ANTXR1: variants seen among roughly 807,000 people sequenced by gnomAD.
ANTXR1 encodes anthrax toxin receptor 1.
In ANTXR1, 19 loss-of-function variants were observed where a neutral mutation model predicts 78.1. That is an observed-to-expected ratio of 0.24 (90% confidence interval 0.17 to 0.36). The LOEUF is 0.36. Ranked by LOEUF, ANTXR1 falls within the 10% of genes least tolerant of loss-of-function variation. The pLI is 1.00. For missense variants in ANTXR1, 518 were observed against 718.6 expected (o/e 0.72, Z 3.19); for synonymous variants, 273 against 260.5 (o/e 1.05, Z -0.46).
At chr2:69,090,699 G>T in intron 8 of ANTXR1, 160 bp from the exon 9 acceptor site, 1 of 681,330 alleles carries the variant, frequency 1.5e-6, no homozygotes, top group Non-Finnish European at 2.7e-6. Context: ...TAAATGTTTG[G>T]TATTGGTACT....
At chr2:69,216,986 A>C (rs1202922611) in intron 17 of ANTXR1, among the ~76,000 whole-genome samples, 1 of 152,094 alleles carries the variant, frequency 6.6e-6, no homozygotes, top group Non-Finnish European at 1.5e-5. Flanking sequence ...CTTTCCCCTA[A>C]ATGTGCTTTG....
At chr2:69,077,968 G>C (rs1670790956) in intron 8 of ANTXR1, among the ~76,000 whole-genome samples, 1 of 152,192 alleles carries the variant, frequency 6.6e-6, no homozygotes, top group African/African-American at 2.4e-5. Flanking sequence ...GTGCAGCCTG[G>C]ACCTCAAGAG....
At chr2:69,103,366 C>G (rs924669162) in intron 10 of ANTXR1, 1 of 277,000 alleles carries the variant, frequency 3.6e-6, no homozygotes, top group Non-Finnish European at 7.1e-6. Context: ...TATTGGGACT[C>G]TTAAGGGTAA....
intron 1 of ANTXR1, among the ~76,000 whole-genome samples, chr2:69,014,691 C>A (rs1670969693): frequency 6.6e-6 from 1 of 152,046 alleles, no homozygotes; most frequent in Admixed American, 6.5e-5. Flanking sequence ...CCAGGAGAGG[C>A]GCTTTGCTGT....
At chr2:69,229,943 AACAAT>A (rs571139372) in intron 17 of ANTXR1, among the ~76,000 whole-genome samples, 136 of 152,234 alleles carry the variant, frequency 8.9e-4, no homozygotes, top group Middle Eastern at 3.4e-3. Flanking sequence ...AAAGTTAAGA[AACAAT>A]ATTTAGGATG....
At chr2:69,193,235 G>T (rs1674583051) in intron 16 of ANTXR1, 100 bp from the exon 17 acceptor site, 1 of 933,316 alleles carries the variant, frequency 1.1e-6, no homozygotes, top group Admixed American at 1.7e-5. Flanking sequence ...GTGTTGTGTT[G>T]TTCACATGAC....
chr2:69,120,311 A>G (rs1050488594), intron 10 of ANTXR1, among the ~76,000 whole-genome samples: 4 of 152,232 alleles, frequency 2.6e-5, no homozygotes, highest in Non-Finnish European at 4.4e-5. Context: ...GTTTAAGTCG[A>G]ACCATTGTTA....
chr2:69,245,191 C>T (rs371494291), intron 17 of ANTXR1, 34 bp from the exon 18 acceptor site: 49 of 1,613,598 alleles, frequency 3.0e-5, no homozygotes, highest in African/African-American at 1.3e-4. Flanking sequence ...TGAGGCCGTC[C>T]GCTCACGTTT....
chr2:69,240,628 T>A (rs1346299567), intron 17 of ANTXR1, among the ~76,000 whole-genome samples: 1 of 152,216 alleles, frequency 6.6e-6, no homozygotes, highest in African/African-American at 2.4e-5. Flanking sequence ...TGTGGTCAAG[T>A]GCTACACTGT....
chr2:69,122,175 C>T (rs192812680), intron 10 of ANTXR1, among the ~76,000 whole-genome samples: 1 of 152,298 alleles, frequency 6.6e-6, no homozygotes, highest in East Asian at 1.9e-4. Context: ...TTGGAACATG[C>T]CTTTAGTATG....
At chr2:69,085,643 G>A (rs186287960) in intron 8 of ANTXR1, among the ~76,000 whole-genome samples, 204 of 151,986 alleles carry the variant, frequency 1.3e-3, no homozygotes, top group African/African-American at 4.7e-3. Flanking sequence ...AATATAATAA[G>A]TAAAAACAAA....
intron 8 of ANTXR1, among the ~76,000 whole-genome samples, chr2:69,081,114 A>C (rs536589026): frequency 6.7e-4 from 102 of 152,320 alleles, no homozygotes; most frequent in African/African-American, 2.2e-3. Context: ...CCAGGCACTT[A>C]ACCACCACTC....
chr2:69,248,246 T>C lies in ANTXR1; in HGVS notation c.*2761T>C, dbSNP rs777234451. 1 of 167,064 alleles carries C rather than the reference T, an allele frequency of 6.0e-6. No individual in the cohort carries two copies. The highest frequency in any genetic ancestry group is 1.5e-5 in the Non-Finnish European group (1 of 68,116). The allele number at this position is 167,064 out of a possible 1,614,324, so 10.3% of individuals were successfully genotyped here. On this transcript the variant is annotated 3_prime_UTR_variant, in exon 18 of 18. Coordinates refer to ENST00000303714, the MANE Select transcript of ANTXR1 (RefSeq NM_032208.3). Reference sequence around the variant, plus strand: ...TTATTAAAGCCAAATTTGTGTTGTATATATTCGTATTCCATGTGTTAGATG... The same window carrying C: ...TTATTAAAGCCAAATTTGTGTTGTACATATTCGTATTCCATGTGTTAGATG...
chr2:69,116,991 G>T (rs1672165054), intron 10 of ANTXR1, among the ~76,000 whole-genome samples: 2 of 152,190 alleles, frequency 1.3e-5, no homozygotes, highest in Non-Finnish European at 2.9e-5. Flanking sequence ...GGATTACATT[G>T]TCCCAAGGTC....
In ANTXR1 at chr2:69,035,244, G is replaced by A. The variant is rs1671647308; in HGVS notation, c.153-4800G>A. ...TGGTGGGTGGTGGTGAGGCAGGGGA[G>A]AGGACTGTGGCATCAGACAGGTAAG... On this transcript the variant is annotated intron_variant, in intron 1 of 17. Transcript: ENST00000303714. Among the ~76,000 whole-genome samples, 8 of 152,266 alleles carry A rather than the reference G, an allele frequency of 5.3e-5. No homozygotes were observed. In the South Asian group the frequency reaches 1.7e-3, roughly 32 times the overall value.
chr2:69,239,097 G>A (rs908533645), intron 17 of ANTXR1, among the ~76,000 whole-genome samples: 2 of 152,102 alleles, frequency 1.3e-5, no homozygotes, highest in Non-Finnish European at 2.9e-5. Flanking sequence ...AAAGCAGAAG[G>A]CAGACCTCCA....
At chr2:69,063,501 G>A (rs555277170) in intron 3 of ANTXR1, among the ~76,000 whole-genome samples, 31 of 151,416 alleles carry the variant, frequency 2.0e-4, no homozygotes, top group East Asian at 1.4e-3. Flanking sequence ...GCAAATCTGC[G>A]CTATTAAAAA....
intron 9 of ANTXR1, 70 bp downstream of exon 9, chr2:69,090,989 C>A: frequency 6.7e-7 from 1 of 1,499,418 alleles, no homozygotes; most frequent in Non-Finnish European, 9.2e-7. Flanking sequence ...CACGTATGTA[C>A]TTCATTGTTG....
At chr2:69,219,758 T>C (rs72903141) in intron 17 of ANTXR1, among the ~76,000 whole-genome samples, 20,488 of 152,152 alleles carry the variant, frequency 0.13, 2,817 homozygotes, top group East Asian at 0.47. Context: ...TTTTAACAAG[T>C]GGCCCAAGGG....
Sources: gnomAD v4.1 joint callset for allele counts (sites outside exome capture counted in the v4.1 genomes callset) on GRCh38, gnomAD v4.1.1 for gene constraint, MANE v1.5 for transcripts, NCBI Gene and HGNC (gene_info 2026-07-23, HGNC 2026-07-21) for gene names.